Variants in LRRTM4 observed in about 807,000 individuals in gnomAD.
LRRTM4 encodes the protein leucine-rich repeat transmembrane neuronal protein 4.
In LRRTM4, 25 loss-of-function variants were observed where a neutral mutation model predicts 47.6. The ratio of observed to expected loss-of-function variants is 0.53; its 90% CI spans 0.38 to 0.73. The LOEUF (loss-of-function observed/expected upper bound fraction) is 0.73, where lower values mean the gene tolerates loss of function less well. Among genes scored for constraint, LRRTM4 ranks in the 30% least tolerant of loss-of-function variants. The pLI, the probability that LRRTM4 is intolerant of heterozygous loss-of-function variation, is 0.00. For synonymous variants in LRRTM4, 311 were observed against 269.5 expected (o/e 1.15, Z -1.51); for missense variants, 638 against 713.4 (o/e 0.89, Z 1.20).
intron 3 of LRRTM4, among the ~76,000 whole-genome samples, chr2:76,876,468 A>G (rs1371988593): frequency 6.6e-6 from 1 of 151,340 alleles, no homozygotes; most frequent in Non-Finnish European, 1.5e-5. Context: ...TATAAAACAA[A>G]TTTAATTTTC....
chr2:76,970,018 A>G (rs1558768956), intron 3 of LRRTM4, among the ~76,000 whole-genome samples: 1 of 151,846 alleles, frequency 6.6e-6, no homozygotes, highest in Non-Finnish European at 1.5e-5. Context: ...ACATGGCCCC[A>G]CTCACTTATT....
At chr2:77,236,469 A>T (rs1205590341) in intron 3 of LRRTM4, among the ~76,000 whole-genome samples, 16 of 151,336 alleles carry the variant, frequency 1.1e-4, no homozygotes, top group Non-Finnish European at 2.2e-4. Context: ...TTGCCAAGAG[A>T]GATAGCCTCA....
intron 3 of LRRTM4, among the ~76,000 whole-genome samples, chr2:77,078,560 A>C (rs1680426884): frequency 1.3e-5 from 2 of 152,186 alleles, no homozygotes; most frequent in African/African-American, 4.8e-5. Context: ...AGCAAGTCAG[A>C]AAGCCTTTTG....
chr2:77,419,217 T>C (rs1024105960), intron 3 of LRRTM4, among the ~76,000 whole-genome samples: 3 of 152,308 alleles, frequency 2.0e-5, no homozygotes, highest in African/African-American at 7.2e-5. Flanking sequence ...TTACAAACAC[T>C]TGAGGCCAAA....
intron 3 of LRRTM4, among the ~76,000 whole-genome samples, chr2:77,181,604 T>C (rs1248732322): frequency 1.3e-5 from 2 of 152,094 alleles, no homozygotes; most frequent in African/African-American, 2.4e-5. Flanking sequence ...TACCCAACCA[T>C]AGAGTTTTCA....
intron 3 of LRRTM4, among the ~76,000 whole-genome samples, chr2:77,040,862 T>C (rs1041550976): frequency 6.6e-6 from 1 of 151,546 alleles, no homozygotes; most frequent in Admixed American, 6.6e-5. Context: ...AATATATGTA[T>C]ACATTGTGTA....
chr2:77,459,242 C>T (rs1030429849), intron 3 of LRRTM4, among the ~76,000 whole-genome samples: 4 of 151,990 alleles, frequency 2.6e-5, no homozygotes, highest in Non-Finnish European at 4.4e-5. Context: ...CAGGTTTTTA[C>T]TTAACTTTTG....
intron 3 of LRRTM4, among the ~76,000 whole-genome samples, chr2:77,442,758 G>C (rs997995389): frequency 2.0e-5 from 3 of 152,130 alleles, no homozygotes; most frequent in South Asian, 2.1e-4. Flanking sequence ...ATAGCACTTG[G>C]TGTTCAAGGC....
At chr2:76,860,257 T>C (rs1209024766) in intron 3 of LRRTM4, among the ~76,000 whole-genome samples, 1 of 152,190 alleles carries the variant, frequency 6.6e-6, no homozygotes, top group Non-Finnish European at 1.5e-5. Flanking sequence ...CATGTTACTT[T>C]GGCTAGCTCT....
chr2:76,813,962 G>A (rs1251182499), intron 3 of LRRTM4, among the ~76,000 whole-genome samples: 1 of 151,930 alleles, frequency 6.6e-6, no homozygotes, highest in Non-Finnish European at 1.5e-5. Context: ...TTATTTTCCT[G>A]TTCCTGGATC....
chr2:76,905,695 G>A (rs1402184771), intron 3 of LRRTM4, among the ~76,000 whole-genome samples: 1 of 147,258 alleles, frequency 6.8e-6, no homozygotes. Context: ...ACTACGTGAA[G>A]AATGCAGAAG....
At chr2:77,056,370 C>A (rs1230100872) in intron 3 of LRRTM4, among the ~76,000 whole-genome samples, 2 of 152,060 alleles carry the variant, frequency 1.3e-5, no homozygotes, top group Admixed American at 1.3e-4. Flanking sequence ...CACCTCTATA[C>A]ATCAAGAACT....
intron 3 of LRRTM4, among the ~76,000 whole-genome samples, chr2:76,762,097 G>T (rs1339962847): frequency 6.6e-6 from 1 of 151,970 alleles, no homozygotes; most frequent in Non-Finnish European, 1.5e-5. Context: ...AAGATCACAG[G>T]GCTTATTTAC....
intron 3 of LRRTM4, among the ~76,000 whole-genome samples, chr2:77,101,573 T>G (rs547304572): frequency 6.6e-6 from 1 of 152,236 alleles, no homozygotes; most frequent in Non-Finnish European, 1.5e-5. Context: ...TAAGGAAACA[T>G]TTCTAAATCT....
intron 3 of LRRTM4, among the ~76,000 whole-genome samples, chr2:77,369,252 G>A (rs1209702618): frequency 1.3e-5 from 2 of 151,242 alleles, no homozygotes; most frequent in African/African-American, 2.4e-5. Flanking sequence ...TTTTCATTTT[G>A]TCAATTGTTT....
At chr2:76,866,291 CCTT>C (rs1039553765) in intron 3 of LRRTM4, among the ~76,000 whole-genome samples, 8 of 152,302 alleles carry the variant, frequency 5.3e-5, no homozygotes, top group African/African-American at 1.9e-4. Context: ...TTTCCATCAT[CCTT>C]CTCTTTGAAG....
chr2:77,380,409 CATA>C (rs1673003492), intron 3 of LRRTM4, among the ~76,000 whole-genome samples: 1 of 152,024 alleles, frequency 6.6e-6, no homozygotes, highest in Non-Finnish European at 1.5e-5. Flanking sequence ...AAAAATTTTT[CATA>C]ATGATTATTT....
At chr2:77,205,936 A>G (rs1473532435) in intron 3 of LRRTM4, among the ~76,000 whole-genome samples, 1 of 151,918 alleles carries the variant, frequency 6.6e-6, no homozygotes, top group Non-Finnish European at 1.5e-5. Flanking sequence ...CCAAAGCTCA[A>G]GTGATCCTCC....
chr2:76,998,185 C>A (rs1247924804), intron 3 of LRRTM4, among the ~76,000 whole-genome samples: 4 of 152,100 alleles, frequency 2.6e-5, no homozygotes, highest in Non-Finnish European at 5.9e-5. Flanking sequence ...TGAAACCAGT[C>A]CCTGGTGCCA....
Sources: gnomAD v4.1 joint callset for allele counts (sites outside exome capture counted in the v4.1 genomes callset) on GRCh38, gnomAD v4.1.1 for gene constraint, MANE v1.5 for transcripts, NCBI Gene and HGNC (gene_info 2026-07-23, HGNC 2026-07-21) for gene names.